Variants in SLC30A8 observed in about 807,000 individuals in gnomAD.
The protein encoded by SLC30A8 is proton-coupled zinc antiporter SLC30A8.
A neutral mutation model predicts 36.9 loss-of-function variants in SLC30A8; 27 were observed. The ratio of observed to expected loss-of-function variants is 0.73; its 90% confidence interval spans 0.54 to 1.01. SLC30A8 has a LOEUF of 1.01. Among genes scored for constraint, SLC30A8 ranks in the 50% least tolerant of loss-of-function variants. The probability of loss-of-function intolerance (pLI) is 0.00; values close to 1 mark genes in which losing one functional copy is unlikely to be tolerated. For synonymous variants in SLC30A8, 164 were observed against 172.4 expected, an observed-to-expected ratio of 0.95 and a Z score of 0.38; for missense variants, 439 against 452.0, an observed-to-expected ratio of 0.97 and a Z score of 0.26.
At chr8:117,149,653 A>T (rs1016713219) in intron 2 of SLC30A8, among the ~76,000 whole-genome samples, 30 of 152,330 alleles carry the variant, frequency 2.0e-4, no homozygotes, top group African/African-American at 7.0e-4. Flanking sequence ...TTGCAAAGTG[A>T]AAATTGTCAG....
chr8:117,171,753 C>T (rs552424080), intron 7 of SLC30A8, among the ~76,000 whole-genome samples: 4 of 152,144 alleles, frequency 2.6e-5, no homozygotes, highest in African/African-American at 9.6e-5. Context: ...TCTGATATGT[C>T]CTAGAGCTGG....
intron 6 of SLC30A8, among the ~76,000 whole-genome samples, chr8:117,166,766 A>ATT (rs71305462): frequency 0.016 from 2,032 of 128,602 alleles, 70 homozygotes; most frequent in African/African-American, 0.043. Flanking sequence ...ACATTAGCTG[A>ATT]TTTTTTTTTT....
At chr8:116,991,410 T>C (rs1223180749) in intron 1 of SLC30A8, among the ~76,000 whole-genome samples, 1 of 152,116 alleles carries the variant, frequency 6.6e-6, no homozygotes, top group Non-Finnish European at 1.5e-5. Flanking sequence ...GTTCAAGCAA[T>C]TCTCCTGCCT....
chr8:117,067,687 T>C (rs1818211218), intron 2 of SLC30A8, among the ~76,000 whole-genome samples: 1 of 152,188 alleles, frequency 6.6e-6, no homozygotes, highest in Non-Finnish European at 1.5e-5. Context: ...TTTTTGTTGA[T>C]ACTTAGGAAA....
chr8:117,120,451 T>C (rs1436446560), intron 2 of SLC30A8, among the ~76,000 whole-genome samples: 1 of 151,814 alleles, frequency 6.6e-6, no homozygotes, highest in Non-Finnish European at 1.5e-5. Flanking sequence ...TTTTAAACCA[T>C]ACACAAAAGT....
intron 3 of SLC30A8, 62 bp downstream of exon 3, chr8:117,153,152 A>G (rs1822281859): frequency 6.8e-7 from 1 of 1,463,612 alleles, no homozygotes; most frequent in South Asian, 1.5e-5. Context: ...CCAAGGGTAA[A>G]AGTGGAAGAC....
At chr8:116,973,550 A>C (rs1042899612) in intron 1 of SLC30A8, among the ~76,000 whole-genome samples, 1 of 152,218 alleles carries the variant, frequency 6.6e-6, no homozygotes, top group African/African-American at 2.4e-5. Context: ...GACACAAACA[A>C]ATGGAAGAAC....
Position 117,147,103 on chromosome 8 carries a change from T to C in SLC30A8, c.221T>C (p.Leu74Pro). 1 of 1,614,090 alleles carries C rather than the reference T, an allele frequency of 6.2e-7. No homozygotes were observed. Among genetic ancestry groups the C allele is most frequent in the Non-Finnish European group, 8.5e-7 (1 of 1,180,006 alleles). ...GAGTACGCCTATGCCAAGTGGAAAC[T>C]CTGTTCTGCTTCAGCAATATGCTTC... ...ANEYAYAKWK[L>P]CSASAICFIF... is the part of the protein sequence containing the mutation. The change falls in exon 2 of 8, where the codon CTC becomes CCC. Residue 74 changes from leucine to proline, a missense_variant. By Grantham distance (98) the Leu-to-Pro change is moderately conservative. Coordinates refer to ENST00000456015, the MANE Select transcript of SLC30A8 (RefSeq NM_173851.3).
chr8:117,035,638 C>T (rs1817188965), intron 1 of SLC30A8, among the ~76,000 whole-genome samples: 1 of 152,250 alleles, frequency 6.6e-6, no homozygotes, highest in South Asian at 2.1e-4. Context: ...TGTGTGGGGG[C>T]TCACACCACA....
At chr8:116,999,328 TG>T (rs34689707) in intron 1 of SLC30A8, among the ~76,000 whole-genome samples, 33,945 of 151,958 alleles carry the variant, frequency 0.22, 4,461 homozygotes, top group Non-Finnish European at 0.29. Context: ...GGTCTGGACT[TG>T]GGGCTGGGTG....
chr8:116,976,292 T>G (rs1157590538), intron 1 of SLC30A8, among the ~76,000 whole-genome samples: 5 of 151,400 alleles, frequency 3.3e-5, no homozygotes, highest in Non-Finnish European at 7.4e-5. Flanking sequence ...ACCCATGACC[T>G]ATTTCATGAT....
intron 1 of SLC30A8, among the ~76,000 whole-genome samples, chr8:116,971,105 A>G (rs945160103): frequency 6.6e-6 from 1 of 152,142 alleles, no homozygotes; most frequent in Admixed American, 6.6e-5. Flanking sequence ...CAATAACAAC[A>G]ACAACAACAA....
intron 1 of SLC30A8, among the ~76,000 whole-genome samples, chr8:116,958,165 G>A (rs867342904): frequency 1.3e-5 from 2 of 152,182 alleles, no homozygotes; most frequent in African/African-American, 2.4e-5. Context: ...GGGCTGGACC[G>A]CTCTTCTTAT....
chr8:117,052,919 T>C (rs117684772), intron 2 of SLC30A8, among the ~76,000 whole-genome samples: 1,794 of 151,964 alleles, frequency 0.012, 12 homozygotes, highest in Non-Finnish European at 0.017. Flanking sequence ...CTTTTTTTTT[T>C]TTATTGAGAC....
intron 2 of SLC30A8, among the ~76,000 whole-genome samples, chr8:117,067,643 T>A (rs1382770837): frequency 6.6e-6 from 1 of 152,214 alleles, no homozygotes; most frequent in African/African-American, 2.4e-5. Context: ...CAGATGTCTG[T>A]GAATGAGATC....
intron 2 of SLC30A8, among the ~76,000 whole-genome samples, chr8:117,110,406 C>T (rs563842234): frequency 5.3e-5 from 8 of 152,246 alleles, no homozygotes; most frequent in South Asian, 2.1e-4. Flanking sequence ...AAGGAAATGA[C>T]GTAAGGTCAC....
At chr8:117,028,641 G>A (rs1816944344) in intron 1 of SLC30A8, among the ~76,000 whole-genome samples, 1 of 151,070 alleles carries the variant, frequency 6.6e-6, no homozygotes, top group Non-Finnish European at 1.5e-5. Flanking sequence ...TATAATTCTT[G>A]TAAAATCTAA....
chr8:117,160,436 CGCGCACATGT>C lies in SLC30A8; in HGVS notation c.573-1297_573-1288del, dbSNP rs367824082. 8.1e-3 allele frequency among the ~76,000 whole-genome samples: 998 copies of C among 123,708 alleles called. 7 individuals are homozygous for C. The highest frequency in any genetic ancestry group is 0.013 in the Middle Eastern group (3 of 234). The allele number at this position is 123,708 out of a possible 152,430, so 81.2% of individuals were successfully genotyped here. The stretch of plus-strand genomic sequence containing the variant: ...GTGTGTGTGTGTGTGTGTGTGTGTG[CGCGCACATGT>C]GCGCGCGGTGGGGGAGTGGGGTGTT... On this transcript the variant is annotated intron_variant, in intron 4 of 7. Transcript: ENST00000456015.
chr8:117,094,153 A>G (rs1305110421), intron 2 of SLC30A8, among the ~76,000 whole-genome samples: 3 of 152,238 alleles, frequency 2.0e-5, no homozygotes, highest in Non-Finnish European at 4.4e-5. Context: ...AGCTCTTCTC[A>G]TCTTCTCTCT....
Sources: allele counts gnomAD v4.1 joint callset (sites outside exome capture counted in the v4.1 genomes callset), GRCh38; gene constraint gnomAD v4.1.1; transcripts MANE v1.5; gene names NCBI Gene and HGNC (gene_info 2026-07-23, HGNC 2026-07-21).